TRPM6: variants seen among roughly 807,000 people sequenced by gnomAD.
TRPM6 encodes the protein channel kinase 2.
In TRPM6, 111 loss-of-function variants were observed where a neutral mutation model predicts 247.6. The ratio of observed to expected loss-of-function variants is 0.45; its 90% CI spans 0.38 to 0.52. The LOEUF is 0.52. Among genes scored for constraint, TRPM6 ranks in the 20% least tolerant of loss-of-function variants. TRPM6 has a pLI of 0.00. For synonymous variants in TRPM6, 892 were observed against 853.8 expected, an observed-to-expected ratio of 1.04 and a Z score of -0.78; for missense variants, 2,126 against 2,421.5, an observed-to-expected ratio of 0.88 and a Z score of 2.56.
In TRPM6 at chr9:74,792,444, A is replaced by G. The variant is rs553245139; in HGVS notation, c.2538+180T>C. Among the ~76,000 whole-genome samples, 9 of 152,222 alleles carry G rather than the reference A, an allele frequency of 5.9e-5. No homozygotes were observed. In the East Asian group the frequency reaches 1.7e-3, roughly 29 times the overall value. ...AAACTCCAAAAAGTAGGTGAGCTCC[A>G]CCCTAACTTCTCCCTGCCTTCCTCC... On this transcript the variant is annotated intron_variant, in intron 19 of 38. Coordinates refer to ENST00000360774, the MANE Select transcript of TRPM6 (RefSeq NM_017662.5).
At chr9:74,886,165 A>G (rs1427286587) in intron 1 of TRPM6, among the ~76,000 whole-genome samples, 1 of 152,218 alleles carries the variant, frequency 6.6e-6, no homozygotes, top group Admixed American at 6.5e-5. Context: ...TATCAAGACA[A>G]GTTTAACACT....
At chr9:74,855,017 C>G (rs1479631319) in intron 3 of TRPM6, among the ~76,000 whole-genome samples, 1 of 152,110 alleles carries the variant, frequency 6.6e-6, no homozygotes, top group Non-Finnish European at 1.5e-5. Context: ...AACTTTGGTT[C>G]AATCCATTAT....
intron 1 of TRPM6, among the ~76,000 whole-genome samples, chr9:74,861,022 CAAAA>C (rs932296634): frequency 4.7e-5 from 5 of 107,526 alleles, no homozygotes; most frequent in South Asian, 7.6e-4. Context: ...GACCTTGTCA[CAAAA>C]AAAAGAAAGA....
In TRPM6 at chr9:74,815,170, T is replaced by G. The variant is rs550337816; in HGVS notation, c.1308+1499A>C. Among the ~76,000 whole-genome samples, 4 of 151,814 alleles carry G rather than the reference T, an allele frequency of 2.6e-5. 1 individual carries two copies. Among genetic ancestry groups the G allele is most frequent in the Non-Finnish European group, 5.9e-5 (4 of 67,960 alleles). ...ATGGAATGCAATGAAAACATATGAT[T>G]GCCAAGTTGAAATCATGTGCCCAAC... On this transcript the variant is annotated intron_variant, in intron 11 of 38. Coordinates refer to ENST00000360774, the MANE Select transcript of TRPM6 (RefSeq NM_017662.5).
At chr9:74,849,598 T>A (rs1249095228) in intron 3 of TRPM6, among the ~76,000 whole-genome samples, 2 of 152,166 alleles carry the variant, frequency 1.3e-5, no homozygotes, top group African/African-American at 2.4e-5. Flanking sequence ...TCATTTCTGT[T>A]GTTTAAGCCA....
intron 3 of TRPM6, 63 bp from the exon 4 acceptor site, chr9:74,842,406 C>A: frequency 6.4e-7 from 1 of 1,552,624 alleles, no homozygotes; most frequent in Non-Finnish European, 8.9e-7. Flanking sequence ...ATATGTCTAC[C>A]TTTTTCTAAA....
intron 1 of TRPM6, among the ~76,000 whole-genome samples, chr9:74,870,821 GGC>G (rs1201468800): frequency 2.0e-5 from 3 of 152,188 alleles, no homozygotes; most frequent in African/African-American, 7.2e-5. Flanking sequence ...CTACTCAGGA[GGC>G]TGAGGCAGGA....
At chr9:74,768,664 T>G (rs1826909529) in intron 25 of TRPM6, among the ~76,000 whole-genome samples, 1 of 152,258 alleles carries the variant, frequency 6.6e-6, no homozygotes, top group Admixed American at 6.5e-5. Flanking sequence ...TGAATTGTTC[T>G]TTCTAAATGT....
At chr9:74,752,233 G>T in intron 29 of TRPM6, 44 bp downstream of exon 29, 1 of 1,173,186 alleles carries the variant, frequency 8.5e-7, no homozygotes, top group Non-Finnish European at 1.3e-6. Context: ...GAGTAGCACT[G>T]CATGCTCGAA....
At chr9:74,861,028 AAAG>A (rs1187232562) in intron 1 of TRPM6, among the ~76,000 whole-genome samples, 1 of 27,328 alleles carries the variant, frequency 3.7e-5, no homozygotes, top group African/African-American at 1.7e-4. Flanking sequence ...GTCACAAAAA[AAAG>A]AAAGAAAGAA....
Position 74,742,568 on chromosome 9 carries a change from T to C in TRPM6, c.5193A>G (p.Gln1731=), listed in dbSNP as rs766698710. 3.2e-5 allele frequency: 52 copies of C among 1,613,802 alleles called. No homozygotes were observed. The South Asian group carries it at 4.5e-4, about 14-fold the overall frequency. Residue 1731 remains glutamine (Q), a synonymous_variant, in exon 33 of 39, where the codon CAA becomes CAG. Coordinates refer to ENST00000360774, the MANE Select transcript of TRPM6 (RefSeq NM_017662.5). Reference sequence around the variant, plus strand: ...GGTAGAAATGCTACTCACCAAACAGTTGGACTGGTGTAAATGGTATGGTCT... The same window carrying C: ...GGTAGAAATGCTACTCACCAAACAGCTGGACTGGTGTAAATGGTATGGTCT... ...LSQTIPFTPV[Q]LFAGEEITVY...
chr9:74,844,777 G>A (rs1830055631), intron 3 of TRPM6, among the ~76,000 whole-genome samples: 2 of 152,214 alleles, frequency 1.3e-5, no homozygotes, highest in South Asian at 4.2e-4. Flanking sequence ...CTAACTGTTT[G>A]GCACAAGAGG....
chr9:74,841,749 C>A (rs771613863), intron 4 of TRPM6, among the ~76,000 whole-genome samples: 52 of 152,184 alleles, frequency 3.4e-4, no homozygotes, highest in Non-Finnish European at 5.6e-4. Context: ...AGGTGATCCA[C>A]CTGCCTTGGC....
intron 3 of TRPM6, among the ~76,000 whole-genome samples, chr9:74,852,944 G>C (rs1055133325): frequency 1.3e-5 from 2 of 152,058 alleles, no homozygotes; most frequent in East Asian, 1.9e-4. Flanking sequence ...ATCTCTGCTT[G>C]GCCGCCCATC....
intron 5 of TRPM6, among the ~76,000 whole-genome samples, chr9:74,835,794 T>A (rs1829701942): frequency 6.6e-6 from 1 of 152,116 alleles, no homozygotes; most frequent in Non-Finnish European, 1.5e-5. Flanking sequence ...AAGAATAGAC[T>A]TTATTTTTTA....
Position 74,827,945 on chromosome 9 carries a change from A to G in TRPM6, c.674T>C (p.Val225Ala), listed in dbSNP as rs759752415. The G allele has an allele frequency of 6.2e-7, 1 of 1,614,002 alleles. No homozygotes were observed. Among genetic ancestry groups the G allele is most frequent in the Non-Finnish European group, 8.5e-7 (1 of 1,179,926 alleles). Residue 225 changes from valine to alanine, a missense_variant, in exon 7 of 39, where the codon GTG (valine) becomes GCG (alanine). Transcript: ENST00000360774. ...NQRDLIGKDV[V>A]CLYQTLDNPL... is the part of the protein sequence containing the mutation. The stretch of plus-strand genomic sequence containing the variant: ...GTTATCCAGAGTCTGGTACAGGCAC[A>G]CCACCTGAGAGACAGCAAGGACAAG...
chr9:74,765,305 A>C lies in TRPM6; in HGVS notation c.3537-2171T>G, dbSNP rs186473844. On this transcript the variant is annotated intron_variant, in intron 25 of 38. Transcript: ENST00000360774. ...AACAATAGTTAAAATATATTTACAA[A>C]GTATATGTAATTAATTGGAGAAAAT... 6.8e-3 allele frequency among the ~76,000 whole-genome samples: 1,037 copies of C among 151,888 alleles called. 18 individuals are homozygous for C. The highest frequency in any genetic ancestry group is 0.024 in the African/African-American group (994 of 41,460).
chr9:74,885,739 C>T (rs192356688), intron 1 of TRPM6, among the ~76,000 whole-genome samples: 11 of 152,200 alleles, frequency 7.2e-5, no homozygotes, highest in African/African-American at 2.6e-4. Context: ...ATGAAAATCA[C>T]TCAGATTATT....
intron 5 of TRPM6, among the ~76,000 whole-genome samples, chr9:74,834,762 T>C (rs7868994): frequency 0.014 from 2,132 of 152,224 alleles, 46 homozygotes; most frequent in African/African-American, 0.047. Context: ...ACAAGGGACA[T>C]GAACTCATCC....
Sources: allele counts gnomAD v4.1 joint callset (sites outside exome capture counted in the v4.1 genomes callset), GRCh38; gene constraint gnomAD v4.1.1; transcripts MANE v1.5; gene names NCBI Gene and HGNC (gene_info 2026-07-23, HGNC 2026-07-21).